The following GAB2 variants were observed in gnomAD, a reference collection of about 807,000 sequenced individuals.
GAB2 encodes the protein GRB2-associated-binding protein 2.
GAB2 carries 26 observed loss-of-function variants against 65.5 expected under a neutral mutation model. That is an observed-to-expected ratio of 0.40 (90% CI 0.29 to 0.55). The LOEUF is 0.55. GAB2 is among the 20% of genes least tolerant of loss of function. The pLI is 0.53. For missense variants in GAB2, 884 were observed against 875.8 expected (o/e 1.01, Z -0.12); for synonymous variants, 321 against 329.6 (o/e 0.97, Z 0.28).
intron 1 of GAB2, among the ~76,000 whole-genome samples, chr11:78,417,443 A>AC (rs1857213532): frequency 6.6e-6 from 1 of 151,732 alleles, no homozygotes; most frequent in South Asian, 2.1e-4. Context: ...CGCAGCCTCA[A>AC]CCTGCCGCCC....
intron 1 of GAB2, among the ~76,000 whole-genome samples, chr11:78,369,983 C>A (rs1856545389): frequency 6.6e-6 from 1 of 152,058 alleles, no homozygotes; most frequent in African/African-American, 2.4e-5. Flanking sequence ...ACTGGCCGGG[C>A]GCGGTGGCTC....
rs149987943 is a variant in GAB2, at chr11:78,226,847, A to T, written c.825T>A (p.His275Gln). 1.8e-5 allele frequency: 29 copies of T among 1,613,820 alleles called. 1 individual carries two copies. In the South Asian group the frequency reaches 2.7e-4, roughly 15 times the overall value. The change falls in exon 4 of 10, where the codon CAT becomes CAA. Residue 275 changes from histidine (H) to glutamine (Q), a missense_variant. Physicochemically the swap from His to Gln is conservative, Grantham distance 24. Transcript: ENST00000361507. ...CTGTGAGGCTGCCCTTGGTGTGGCC[A>T]TGGGAGGCCAGGCTGCGGGGGAGGT... ...TYDLPRSLAS[H>Q]GHTKGSLTGS...
Position 78,226,797 on chromosome 11 carries a change from A to C in GAB2, c.875T>G (p.Val292Gly). 1.2e-6 allele frequency: 2 copies of C among 1,614,114 alleles called. No individual in the cohort carries two copies. Among genetic ancestry groups the C allele is most frequent in the Non-Finnish European group, 1.7e-6 (2 of 1,179,984 alleles). The part of the protein sequence containing the change: ...LTGSETDNED[V>G]YTFKTPSNTL... ...GTTGCTGGGCGTCTTGAAGGTGTAC[A>C]CATCCTCATTATCTGTCTCGGAGCC... is the stretch of plus-strand genomic sequence containing the variant. Residue 292 changes from valine to glycine, a missense_variant, in exon 4 of 10, where the codon GTG (valine) becomes GGG (glycine). Coordinates refer to ENST00000361507, the MANE Select transcript of GAB2 (RefSeq NM_080491.3).
chr11:78,226,619 G>GGGGCC lies in GAB2; in HGVS notation c.1052_1053insGGCCC (p.Pro352AlafsTer77). On this transcript the variant is annotated frameshift_variant, in exon 4 of 10. Coordinates refer to ENST00000361507, the MANE Select transcript of GAB2 (RefSeq NM_080491.3). LOFTEE classifies it high-confidence loss of function. ...GACTTGGCTTGGGGGGGCGGGGTGG[G>GGGGCC]GGAGCTATGGCTGAGTCCCCAGGAG... is the stretch of plus-strand genomic sequence containing the variant. 2.1e-6 allele frequency: 2 copies of GGGGCC among 952,236 alleles called. No individual in the cohort carries two copies. The highest frequency in any genetic ancestry group is 3.2e-6 in the Non-Finnish European group (2 of 620,414). The allele number at this position is 952,236 out of a possible 1,614,324, so 59.0% of individuals were successfully genotyped here.
chr11:78,325,901 GTTCAT>G (rs1855813152), intron 1 of GAB2, among the ~76,000 whole-genome samples: 3 of 152,046 alleles, frequency 2.0e-5, no homozygotes, highest in South Asian at 4.1e-4. Flanking sequence ...AACCATTTTT[GTTCAT>G]TTCTTTTTAA....
At chr11:78,300,115 C>A (rs1866952656) in intron 1 of GAB2, among the ~76,000 whole-genome samples, 2 of 152,134 alleles carry the variant, frequency 1.3e-5, no homozygotes, top group South Asian at 4.1e-4. Context: ...CAGGTGAATC[C>A]TCACTCCCTA....
intron 3 of GAB2, among the ~76,000 whole-genome samples, chr11:78,246,113 G>A (rs2134514568): frequency 6.6e-6 from 1 of 151,952 alleles, no homozygotes; most frequent in Non-Finnish European, 1.5e-5. Flanking sequence ...TGTATTTTTA[G>A]TAGAGACGGG....
chr11:78,238,840 A>C (rs1339600130), intron 3 of GAB2, among the ~76,000 whole-genome samples: 1 of 152,166 alleles, frequency 6.6e-6, no homozygotes, highest in Non-Finnish European at 1.5e-5. Flanking sequence ...AGAGTAAAAA[A>C]CCAATCTATG....
chr11:78,278,695 C>T (rs1378066645), intron 2 of GAB2, among the ~76,000 whole-genome samples: 11 of 149,718 alleles, frequency 7.3e-5, no homozygotes, highest in Non-Finnish European at 1.3e-4. Flanking sequence ...CCTTTTAATT[C>T]GTTTCTTATT....
At chr11:78,351,938 C>T (rs551652664) in intron 1 of GAB2, among the ~76,000 whole-genome samples, 9 of 152,214 alleles carry the variant, frequency 5.9e-5, no homozygotes, top group African/African-American at 1.2e-4. Context: ...CCAGGTCGAG[C>T]GCAGTGGCTC....
At chr11:78,247,849 A>G (rs1865339882) in intron 3 of GAB2, among the ~76,000 whole-genome samples, 1 of 152,186 alleles carries the variant, frequency 6.6e-6, no homozygotes, top group African/African-American at 2.4e-5. Context: ...GAATTCTGCA[A>G]ACATTATTTG....
At chr11:78,351,702 A>G (rs1023806582) in intron 1 of GAB2, among the ~76,000 whole-genome samples, 48 of 152,164 alleles carry the variant, frequency 3.2e-4, no homozygotes, top group Non-Finnish European at 1.0e-4. Flanking sequence ...CTGCTGGGAG[A>G]AGACAAGCAG....
chr11:78,334,413 C>T (rs1855965067), intron 1 of GAB2, among the ~76,000 whole-genome samples: 1 of 152,176 alleles, frequency 6.6e-6, no homozygotes, highest in Non-Finnish European at 1.5e-5. Flanking sequence ...CCTCACTCCC[C>T]TTCCCAGCCT....
At chr11:78,358,436 AAATAT>A (rs1205854596) in intron 1 of GAB2, among the ~76,000 whole-genome samples, 4 of 134,216 alleles carry the variant, frequency 3.0e-5, no homozygotes, top group African/African-American at 5.8e-5. Context: ...CTAGAACTTA[AAATAT>A]AATAATAATA....
At chr11:78,257,879 C>T (rs908586372) in intron 2 of GAB2, among the ~76,000 whole-genome samples, 1 of 151,862 alleles carries the variant, frequency 6.6e-6, no homozygotes, top group Admixed American at 6.6e-5. Flanking sequence ...TGGGGTCACA[C>T]AGCCAGAAAG....
At chr11:78,341,895 A>C in intron 1 of GAB2, 2 of 985,920 alleles carry the variant, frequency 2.0e-6, no homozygotes, top group Non-Finnish European at 2.4e-6. Flanking sequence ...CCAAGTTATC[A>C]TCTGAATGGC....
intron 1 of GAB2, among the ~76,000 whole-genome samples, chr11:78,368,508 A>G (rs191798357): frequency 6.6e-6 from 1 of 152,244 alleles, no homozygotes; most frequent in Non-Finnish European, 1.5e-5. Context: ...TACAAATTAA[A>G]TATATAAATT....
chr11:78,271,969 T>G (rs964750700), intron 2 of GAB2, among the ~76,000 whole-genome samples: 2 of 151,944 alleles, frequency 1.3e-5, no homozygotes, highest in Admixed American at 6.6e-5. Flanking sequence ...AAAAGAGGAG[T>G]TCCCCTGCAC....
intron 2 of GAB2, among the ~76,000 whole-genome samples, chr11:78,255,799 C>T (rs1865581296): frequency 6.6e-6 from 1 of 152,234 alleles, no homozygotes; most frequent in South Asian, 2.1e-4. Flanking sequence ...ATGGCTTCAT[C>T]ACCCCTCAGG....
Sources: allele counts gnomAD v4.1 joint callset (sites outside exome capture counted in the v4.1 genomes callset), GRCh38; gene constraint gnomAD v4.1.1; transcripts MANE v1.5; gene names NCBI Gene and HGNC (gene_info 2026-07-23, HGNC 2026-07-21).